Variants in ARHGEF3 observed in about 807,000 individuals in gnomAD.
ARHGEF3 encodes Rho guanine nucleotide exchange factor 3, also known as 59.8 kDA protein.
ARHGEF3 carries 28 observed loss-of-function variants against 63.2 expected under a neutral mutation model. The observed-to-expected ratio is 0.44, with a 90% CI of 0.33 to 0.61. The LOEUF (loss-of-function observed/expected upper bound fraction) is 0.61. ARHGEF3 is among the 20% of genes least tolerant of loss of function. The probability of loss-of-function intolerance (pLI) is 0.03; values close to 1 mark genes in which losing one functional copy is unlikely to be tolerated. For missense variants in ARHGEF3, 533 were observed against 659.3 expected, an observed-to-expected ratio of 0.81 and a Z score of 2.10; for synonymous variants, 266 against 254.2, an observed-to-expected ratio of 1.05 and a Z score of -0.44.
In ARHGEF3 at chr3:56,946,622, G is replaced by C. The variant is rs142101700; in HGVS notation, c.129+12201C>G. Reference sequence around the variant, plus strand: ...AACAAAGCCTCCAAGAAATATGGGAGTATGTGAAAAGACCAATTCTACGTC... The same window carrying C: ...AACAAAGCCTCCAAGAAATATGGGACTATGTGAAAAGACCAATTCTACGTC... On this transcript the variant is annotated intron_variant, in intron 3 of 12. Coordinates refer to the ARHGEF3 transcript ENST00000338458. 3.0e-3 allele frequency among the ~76,000 whole-genome samples: 456 copies of C among 152,298 alleles called. 3 individuals are homozygous for C. The highest frequency in any genetic ancestry group is 0.01 in the African/African-American group (419 of 41,554).
intron 2 of ARHGEF3, among the ~76,000 whole-genome samples, chr3:57,005,197 C>T (rs376633345): frequency 4.6e-5 from 7 of 152,200 alleles, no homozygotes; most frequent in East Asian, 3.9e-4. Context: ...GGAATGGGAA[C>T]GTCCAGGAAT....
intron 1 of ARHGEF3, among the ~76,000 whole-genome samples, chr3:56,796,275 AT>A (rs2037361857): frequency 1.3e-5 from 2 of 152,172 alleles, no homozygotes; most frequent in Admixed American, 6.5e-5. Flanking sequence ...TCTGTCCAGG[AT>A]TTTTACGGGC....
At chr3:56,997,482 A>C (rs1702038916) in intron 2 of ARHGEF3, among the ~76,000 whole-genome samples, 1 of 152,114 alleles carries the variant, frequency 6.6e-6, no homozygotes. Flanking sequence ...GCCAAAAGCA[A>C]ACTCTGCCCC....
At chr3:57,078,993 G>T in intron 1 of ARHGEF3, 1 of 336,396 alleles carries the variant, frequency 3.0e-6, no homozygotes, top group Non-Finnish European at 5.4e-6. Context: ...GCCCCCGTGC[G>T]CTGGGCATAC....
chr3:56,737,953 C>T (rs1341871830), intron 7 of ARHGEF3, among the ~76,000 whole-genome samples: 1 of 152,134 alleles, frequency 6.6e-6, no homozygotes, highest in Admixed American at 6.6e-5. Context: ...ACTGCAACCT[C>T]TGCCTCCCAG....
chr3:56,816,960 C>T (rs529681814), intron 4 of ARHGEF3, among the ~76,000 whole-genome samples: 10 of 152,324 alleles, frequency 6.6e-5, no homozygotes, highest in East Asian at 3.9e-4. Flanking sequence ...AGTCCTGTGA[C>T]GTTTTTGCTC....
At chr3:56,937,759 C>T (rs912622516) in intron 3 of ARHGEF3, among the ~76,000 whole-genome samples, 8 of 152,176 alleles carry the variant, frequency 5.3e-5, no homozygotes, top group African/African-American at 1.9e-4. Context: ...ATCACCATCA[C>T]TCCAATAGGA....
At chr3:56,950,598 T>C (rs1699754140) in intron 3 of ARHGEF3, among the ~76,000 whole-genome samples, 1 of 152,058 alleles carries the variant, frequency 6.6e-6, no homozygotes, top group African/African-American at 2.4e-5. Flanking sequence ...TCACACCAGT[T>C]AGAATGGCGA....
At chr3:56,848,238 T>G (rs2039553682) in intron 4 of ARHGEF3, among the ~76,000 whole-genome samples, 1 of 152,202 alleles carries the variant, frequency 6.6e-6, no homozygotes, top group African/African-American at 2.4e-5. Flanking sequence ...CTATGATAAC[T>G]GTTAGGACTG....
rs1029638185 is a variant in ARHGEF3, at chr3:56,873,479, A to G, written c.192+8813T>C. On this transcript the variant is annotated intron_variant, in intron 4 of 12. Coordinates refer to the ARHGEF3 transcript ENST00000338458. ...TTAGCTCCCACTTATAAGGGAGAACATATGTATTTGGTTGTCTGTTCGTGC... is the reference window on the plus strand; with the variant it reads ...TTAGCTCCCACTTATAAGGGAGAACGTATGTATTTGGTTGTCTGTTCGTGC... Among the ~76,000 whole-genome samples, 4 of 152,214 alleles carry G rather than the reference A, an allele frequency of 2.6e-5. No homozygotes were observed. In the South Asian group the frequency reaches 8.3e-4, roughly 32 times the overall value.
intron 3 of ARHGEF3, among the ~76,000 whole-genome samples, chr3:56,914,124 G>C (rs2041925459): frequency 6.6e-6 from 1 of 151,910 alleles, no homozygotes; most frequent in Non-Finnish European, 1.5e-5. Flanking sequence ...GGGGACTTGA[G>C]GGGAAGGGTG....
chr3:56,732,445 A>C (rs915209497), intron 8 of ARHGEF3, 21 bp from the exon 9 acceptor site: 33 of 1,613,326 alleles, frequency 2.0e-5, no homozygotes, highest in Non-Finnish European at 2.5e-5. Context: ...AAAATCCACA[A>C]GCTTTCATTA....
intron 2 of ARHGEF3, among the ~76,000 whole-genome samples, chr3:57,032,332 C>G (rs1703767531): frequency 6.6e-6 from 1 of 152,236 alleles, no homozygotes; most frequent in African/African-American, 2.4e-5. Context: ...CAACTCTGCT[C>G]TCCCCTGGAA....
intron 1 of ARHGEF3, among the ~76,000 whole-genome samples, chr3:57,053,476 G>A (rs539346245): frequency 1.1e-4 from 17 of 152,226 alleles, no homozygotes; most frequent in African/African-American, 4.1e-4. Flanking sequence ...GTTTCTATGT[G>A]TTCTTTGTTT....
At chr3:56,821,095 T>G (rs2038472402) in intron 4 of ARHGEF3, among the ~76,000 whole-genome samples, 1 of 151,670 alleles carries the variant, frequency 6.6e-6, no homozygotes, top group African/African-American at 2.4e-5. Flanking sequence ...CTGCAGTGAA[T>G]GCAGTGAGCA....
intron 4 of ARHGEF3, among the ~76,000 whole-genome samples, chr3:56,814,394 CA>C (rs1234445857): frequency 2.0e-5 from 3 of 152,220 alleles, no homozygotes; most frequent in Admixed American, 6.5e-5. Context: ...CCACGGAAGC[CA>C]AAAGATTGGA....
At chr3:56,849,159 C>T (rs539919110) in intron 4 of ARHGEF3, among the ~76,000 whole-genome samples, 2 of 152,276 alleles carry the variant, frequency 1.3e-5, no homozygotes, top group South Asian at 2.1e-4. Flanking sequence ...TTTTGTGAGG[C>T]TTCTTCATTC....
upstream of ARHGEF3, among the ~76,000 whole-genome samples, chr3:56,804,080 T>A (rs2037779464): frequency 6.6e-6 from 1 of 152,040 alleles, no homozygotes; most frequent in Admixed American, 6.6e-5. Flanking sequence ...GACAGGGTTT[T>A]GCCATGTTTG....
At chr3:56,824,794 T>C (rs902802628) in intron 4 of ARHGEF3, among the ~76,000 whole-genome samples, 9 of 152,164 alleles carry the variant, frequency 5.9e-5, no homozygotes, top group African/African-American at 2.2e-4. Flanking sequence ...CTGGAAACTG[T>C]GGGAAGGAAT....
Sources: allele counts gnomAD v4.1 joint callset (sites outside exome capture counted in the v4.1 genomes callset), GRCh38; gene constraint gnomAD v4.1.1; transcripts MANE v1.5; gene names NCBI Gene and HGNC (gene_info 2026-07-23, HGNC 2026-07-21).